Variants in CSTPP1 observed in about 807,000 individuals in gnomAD.
CSTPP1 encodes centriolar satellite-associated tubulin polyglutamylase complex regulator 1, also known as UPF0705 protein C11orf49.
the CSTPP1 span, among the ~76,000 whole-genome samples, chr11:46,962,257 T>C: frequency 6.6e-6 from 1 of 152,154 alleles, no homozygotes; most frequent in African/African-American, 2.4e-5. Flanking sequence ...AATATAAGGG[T>C]TTATTTATAG....
At chr11:47,157,414 G>GC in the CSTPP1 span, among the ~76,000 whole-genome samples, 1 of 152,218 alleles carries the variant, frequency 6.6e-6, no homozygotes, top group Non-Finnish European at 1.5e-5. Flanking sequence ...CAAAAGGACT[G>GC]CTTTCACTCA....
chr11:47,147,030 T>G, the CSTPP1 span, among the ~76,000 whole-genome samples: 1 of 152,176 alleles, frequency 6.6e-6, no homozygotes, highest in Non-Finnish European at 1.5e-5. Context: ...TAGTAAATCA[T>G]GGTGATCCCC....
the CSTPP1 span, among the ~76,000 whole-genome samples, chr11:47,048,001 T>C: frequency 6.6e-6 from 1 of 152,118 alleles, no homozygotes; most frequent in South Asian, 2.1e-4. Flanking sequence ...AAAAGGAAAA[T>C]AGCATGTGTT....
At chr11:47,058,052 G>A in the CSTPP1 span, among the ~76,000 whole-genome samples, 1 of 152,160 alleles carries the variant, frequency 6.6e-6, no homozygotes, top group Non-Finnish European at 1.5e-5. Flanking sequence ...TTACCAGACA[G>A]GCCAGGCATG....
the CSTPP1 span, chr11:47,157,344 TA>T: frequency 1.6e-5 from 17 of 1,086,564 alleles, no homozygotes; most frequent in Middle Eastern, 3.1e-4. Flanking sequence ...GGTCATAATG[TA>T]ACAGTGCCAT....
chr11:46,947,125 A>G, the CSTPP1 span, among the ~76,000 whole-genome samples: 1 of 152,248 alleles, frequency 6.6e-6, no homozygotes, highest in African/African-American at 2.4e-5. Flanking sequence ...TTTGGGTTAC[A>G]TAACATTAAA....
At chr11:46,963,742 G>A in the CSTPP1 span, among the ~76,000 whole-genome samples, 1 of 149,276 alleles carries the variant, frequency 6.7e-6, no homozygotes, top group Non-Finnish European at 1.5e-5. Context: ...CTGAGATCAC[G>A]CCATTGCACT....
chr11:47,137,733 C>T, the CSTPP1 span: 35 of 1,613,780 alleles, frequency 2.2e-5, no homozygotes, highest in South Asian at 6.6e-5. Context: ...CAGCCAGGTA[C>T]GTCTCCTGGA....
the CSTPP1 span, among the ~76,000 whole-genome samples, chr11:47,123,604 G>C: frequency 1.3e-5 from 2 of 152,134 alleles, no homozygotes; most frequent in African/African-American, 4.8e-5. Flanking sequence ...CTTCTGTTGG[G>C]GAGACAGTTA....
the CSTPP1 span, among the ~76,000 whole-genome samples, chr11:47,158,658 C>T: frequency 1.7e-4 from 26 of 152,210 alleles, no homozygotes; most frequent in Middle Eastern, 3.4e-3. Flanking sequence ...ACCTCAGCCT[C>T]CCTAGTAGCT....
At chr11:47,017,420 G>A in the CSTPP1 span, among the ~76,000 whole-genome samples, 4 of 151,922 alleles carry the variant, frequency 2.6e-5, no homozygotes, top group African/African-American at 7.2e-5. Context: ...TGATCTTCCC[G>A]CCTTGGCCTC....
At chr11:47,138,579 G>T in the CSTPP1 span, among the ~76,000 whole-genome samples, 2 of 152,220 alleles carry the variant, frequency 1.3e-5, no homozygotes, top group African/African-American at 4.8e-5. Flanking sequence ...GGCAGAAATA[G>T]TTAGAAGCCC....
At chr11:46,938,084 G>A in the CSTPP1 span, among the ~76,000 whole-genome samples, 1 of 151,674 alleles carries the variant, frequency 6.6e-6, no homozygotes, top group African/African-American at 2.4e-5. Flanking sequence ...ATGTTGGTCA[G>A]GCTGGTCTCA....
chr11:47,000,691 T>C, the CSTPP1 span, among the ~76,000 whole-genome samples: 1 of 152,196 alleles, frequency 6.6e-6, no homozygotes, highest in African/African-American at 2.4e-5. Flanking sequence ...CTGTGTGTAC[T>C]ATGCAATGGG....
the CSTPP1 span, chr11:47,159,914 G>C: frequency 2.3e-5 from 8 of 340,886 alleles, no homozygotes; most frequent in Admixed American, 8.0e-5. Context: ...TGAGACAGAA[G>C]AATCACTTGA....
the CSTPP1 span, among the ~76,000 whole-genome samples, chr11:47,153,616 C>G: frequency 1.3e-5 from 2 of 152,160 alleles, no homozygotes; most frequent in African/African-American, 4.8e-5. Flanking sequence ...ATAATAAGAC[C>G]CACCTGTAGG....
At chr11:47,138,370 A>C in the CSTPP1 span, among the ~76,000 whole-genome samples, 1 of 152,188 alleles carries the variant, frequency 6.6e-6, no homozygotes, top group Non-Finnish European at 1.5e-5. Flanking sequence ...CCTGGGGATT[A>C]CAATTCGGGT....
At chr11:47,034,823 T>C in the CSTPP1 span, among the ~76,000 whole-genome samples, 1 of 152,190 alleles carries the variant, frequency 6.6e-6, no homozygotes, top group Admixed American at 6.5e-5. Context: ...CTTAATGGCA[T>C]CTGGAAACTT....
At chr11:47,155,273 G>T in the CSTPP1 span, 1 of 1,609,166 alleles carries the variant, frequency 6.2e-7, no homozygotes, top group Non-Finnish European at 8.5e-7. Context: ...TGAGTGTTCC[G>T]GGGCTCCATC....
Sources: allele counts gnomAD v4.1 joint callset (sites outside exome capture counted in the v4.1 genomes callset), GRCh38; gene constraint gnomAD v4.1.1; transcripts MANE v1.5; gene names NCBI Gene and HGNC (gene_info 2026-07-23, HGNC 2026-07-21).